Variants in GABBR2 observed in about 807,000 individuals in gnomAD.
GABBR2 encodes gamma-aminobutyric acid type B receptor subunit 2, also known as G-protein coupled receptor 51.
Under a neutral mutation model 105.6 loss-of-function variants are expected in GABBR2, and 23 were observed. That is an observed-to-expected ratio of 0.22 (90% CI 0.16 to 0.31). The LOEUF is 0.31. Among genes scored for constraint, GABBR2 ranks in the 10% least tolerant of loss-of-function variants. GABBR2 has a pLI of 1.00. For missense variants in GABBR2, 734 were observed against 1,245.5 expected, an observed-to-expected ratio of 0.59 and a Z score of 6.18; for synonymous variants, 478 against 499.7, an observed-to-expected ratio of 0.96 and a Z score of 0.58.
chr9:98,617,300 G>A (rs1829600918), intron 1 of GABBR2, among the ~76,000 whole-genome samples: 1 of 152,156 alleles, frequency 6.6e-6, no homozygotes. Flanking sequence ...AGGAGGTGAG[G>A]ATCTGGAGGG....
At chr9:98,362,948 G>C in intron 12 of GABBR2, 111 bp from the exon 13 acceptor site, 4 of 920,812 alleles carry the variant, frequency 4.3e-6, no homozygotes. Context: ...CCCAGCCGGA[G>C]AGTCTCCTGC....
chr9:98,574,630 G>T (rs1190662458), intron 2 of GABBR2, among the ~76,000 whole-genome samples: 2 of 152,224 alleles, frequency 1.3e-5, no homozygotes, highest in Non-Finnish European at 2.9e-5. Context: ...AATTTGGGGG[G>T]ATTTGTTACC....
At chr9:98,606,774 C>G (rs562891657) in intron 1 of GABBR2, 2 of 310,280 alleles carry the variant, frequency 6.4e-6, no homozygotes, top group Non-Finnish European at 1.2e-5. Flanking sequence ...GCCACCGTGC[C>G]TGACCTATTA....
chr9:98,382,524 A>G (rs1831996621), intron 11 of GABBR2, among the ~76,000 whole-genome samples: 1 of 152,144 alleles, frequency 6.6e-6, no homozygotes, highest in Non-Finnish European at 1.5e-5. Context: ...CATGTTGGCC[A>G]GGTTGGTCTT....
intron 2 of GABBR2, among the ~76,000 whole-genome samples, chr9:98,564,875 C>T (rs753020934): frequency 6.6e-6 from 1 of 152,094 alleles, no homozygotes; most frequent in South Asian, 2.1e-4. Flanking sequence ...GGTACCTCCT[C>T]CAGCTGGGAC....
Position 98,640,798 on chromosome 9 carries a change from G to A in GABBR2, c.322-62726C>T, listed in dbSNP as rs115157989. Among the ~76,000 whole-genome samples, 179 of 152,276 alleles carry A rather than the reference G, an allele frequency of 1.2e-3. 1 individual carries two copies. Among genetic ancestry groups the A allele is most frequent in the Middle Eastern group, 3.4e-3 (1 of 294 alleles). On this transcript the variant is annotated intron_variant, in intron 1 of 18. Coordinates refer to ENST00000259455, the MANE Select transcript of GABBR2 (RefSeq NM_005458.8). ...TGCAAGGTGAGAAGAATCACACTGC[G>A]GAGACTCAGAGATTCTGAGACAGGG...
intron 2 of GABBR2, among the ~76,000 whole-genome samples, chr9:98,572,255 G>C (rs1828843060): frequency 6.6e-6 from 1 of 152,220 alleles, no homozygotes; most frequent in Non-Finnish European, 1.5e-5. Flanking sequence ...CTATGCAGCA[G>C]CTATGAATCA....
At chr9:98,555,258 C>T (rs145140127) in intron 2 of GABBR2, among the ~76,000 whole-genome samples, 120 of 152,350 alleles carry the variant, frequency 7.9e-4, no homozygotes, top group Admixed American at 1.8e-3. Flanking sequence ...GAGGAGCATA[C>T]CCATTTTACA....
intron 1 of GABBR2, among the ~76,000 whole-genome samples, chr9:98,686,673 G>A (rs1830624734): frequency 6.6e-6 from 1 of 152,126 alleles, no homozygotes; most frequent in African/African-American, 2.4e-5. Flanking sequence ...TGGGATTACA[G>A]GCCTGAGCCA....
At chr9:98,639,036 C>T (rs770399211) in intron 1 of GABBR2, among the ~76,000 whole-genome samples, 4 of 152,186 alleles carry the variant, frequency 2.6e-5, no homozygotes, top group Admixed American at 6.5e-5. Flanking sequence ...AGTTCATCTG[C>T]ATCTCATTAT....
chr9:98,329,827 C>T (rs1830991567), intron 13 of GABBR2, among the ~76,000 whole-genome samples: 1 of 151,748 alleles, frequency 6.6e-6, no homozygotes. Flanking sequence ...CTCTCCCTTC[C>T]CTCCCCATCT....
intron 7 of GABBR2, among the ~76,000 whole-genome samples, chr9:98,414,302 G>T (rs1333576581): frequency 1.3e-5 from 2 of 152,206 alleles, no homozygotes; most frequent in Non-Finnish European, 2.9e-5. Flanking sequence ...GAGCAAGGGG[G>T]AGAATATCCT....
At chr9:98,556,773 C>T (rs1828592297) in intron 2 of GABBR2, among the ~76,000 whole-genome samples, 1 of 152,162 alleles carries the variant, frequency 6.6e-6, no homozygotes, top group African/African-American at 2.4e-5. Flanking sequence ...AGACCGGGTG[C>T]GGTGGCTGAC....
At chr9:98,393,720 C>T (rs112566825) in intron 9 of GABBR2, among the ~76,000 whole-genome samples, 1,593 of 152,268 alleles carry the variant, frequency 0.01, 21 homozygotes, top group Middle Eastern at 0.055. Flanking sequence ...GTCATTAGCT[C>T]AGTTGGATGG....
chr9:98,466,080 C>T (rs145870097), intron 6 of GABBR2, among the ~76,000 whole-genome samples: 24 of 152,302 alleles, frequency 1.6e-4, no homozygotes, highest in African/African-American at 4.6e-4. Flanking sequence ...TGCCTGCTTC[C>T]GCTTTGCCTT....
intron 11 of GABBR2, among the ~76,000 whole-genome samples, chr9:98,380,300 G>A (rs1037499013): frequency 1.3e-5 from 2 of 152,202 alleles, no homozygotes; most frequent in Admixed American, 6.5e-5. Context: ...AGGAAGCTGC[G>A]TGAGGCCCAC....
chr9:98,635,463 C>T (rs1043379042), intron 1 of GABBR2, among the ~76,000 whole-genome samples: 3 of 152,124 alleles, frequency 2.0e-5, no homozygotes, highest in African/African-American at 7.2e-5. Context: ...GGAAGTTACT[C>T]CCGCAACAAC....
intron 7 of GABBR2, among the ~76,000 whole-genome samples, chr9:98,420,194 T>TC (rs1338244094): frequency 6.6e-6 from 1 of 151,480 alleles, no homozygotes; most frequent in Non-Finnish European, 1.5e-5. Flanking sequence ...ATACCCTAGC[T>TC]CCCCCCACCT....
chr9:98,585,707 T>TC (rs1462488263), intron 1 of GABBR2, among the ~76,000 whole-genome samples: 9 of 24,268 alleles, frequency 3.7e-4, no homozygotes, highest in African/African-American at 6.3e-4. Context: ...TCAAGGATCT[T>TC]ATTCATGCCT....
Sources: gnomAD v4.1 joint callset for allele counts (sites outside exome capture counted in the v4.1 genomes callset) on GRCh38, gnomAD v4.1.1 for gene constraint, MANE v1.5 for transcripts, NCBI Gene and HGNC (gene_info 2026-07-23, HGNC 2026-07-21) for gene names.